Variants in PPFIA1 observed in about 807,000 individuals in gnomAD.
PPFIA1 encodes liprin-alpha-1.
In PPFIA1, 25 loss-of-function variants were observed where a neutral mutation model predicts 149.9. The observed-to-expected ratio is 0.17, with a 90% CI of 0.12 to 0.23. The LOEUF is 0.23. PPFIA1 is among the 10% of genes least tolerant of loss of function. PPFIA1 has a pLI of 1.00. For synonymous variants in PPFIA1, 549 were observed against 552.8 expected (o/e 0.99, Z 0.10); for missense variants, 1,362 against 1,506.5 (o/e 0.90, Z 1.59).
At chr11:70,277,545 C>CA (rs754634147) in intron 2 of PPFIA1, among the ~76,000 whole-genome samples, 1 of 151,150 alleles carries the variant, frequency 6.6e-6, no homozygotes, top group Non-Finnish European at 1.5e-5. Context: ...GGCTGAAGTG[C>CA]AGTGGCACGA....
At chr11:70,285,277 T>C (rs1017833449) in intron 2 of PPFIA1, among the ~76,000 whole-genome samples, 1 of 152,004 alleles carries the variant, frequency 6.6e-6, no homozygotes, top group African/African-American at 2.4e-5. Flanking sequence ...TAAAAGATCA[T>C]GCTATGTGGA....
At chr11:70,300,197 C>T (rs545050716) in intron 2 of PPFIA1, among the ~76,000 whole-genome samples, 9 of 152,150 alleles carry the variant, frequency 5.9e-5, no homozygotes, top group African/African-American at 9.6e-5. Flanking sequence ...TGAGATGTCC[C>T]GCAGACTCCT....
At chr11:70,316,916 T>A (rs1471233953) in intron 2 of PPFIA1, among the ~76,000 whole-genome samples, 1 of 152,246 alleles carries the variant, frequency 6.6e-6, no homozygotes, top group Non-Finnish European at 1.5e-5. Context: ...ATCAGCATTA[T>A]CAGGCATTAT....
At chr11:70,369,949 CTT>C (rs36102876) in intron 21 of PPFIA1, among the ~76,000 whole-genome samples, 20 of 145,754 alleles carry the variant, frequency 1.4e-4, no homozygotes, top group South Asian at 4.4e-4. Context: ...CTCTTTTACT[CTT>C]TTTTTTTTTT....
rs1205297985 is a variant in PPFIA1 at position 70,329,887 on chromosome 11, C to T, written c.931-286C>T. On this transcript the variant is annotated intron_variant, in intron 7 of 27. Transcript: ENST00000253925. ...AGGCTGTGGTGAGCCTTGATTGCAC[C>T]ACAGCATTCCATCCTAGGTGATAGA... 1.3e-5 allele frequency: 4 copies of T among 310,192 alleles called. No individual in the cohort carries two copies. In the East Asian group the frequency reaches 2.3e-4, roughly 18 times the overall value. 19.2% of individuals were successfully genotyped at this position (310,192 alleles called of 1,614,324 possible).
intron 2 of PPFIA1, among the ~76,000 whole-genome samples, chr11:70,295,579 C>T (rs1396237261): frequency 2.8e-5 from 4 of 144,218 alleles, no homozygotes; most frequent in African/African-American, 1.1e-4. Context: ...CACCTCCCTC[C>T]CGGATGGAGC....
chr11:70,380,872 T>C (rs2057687108), intron 26 of PPFIA1, among the ~76,000 whole-genome samples: 1 of 152,058 alleles, frequency 6.6e-6, no homozygotes, highest in Non-Finnish European at 1.5e-5. Context: ...CTCACTCTGT[T>C]GCCCAGGTTG....
chr11:70,317,536 A>T (rs1423082556), intron 2 of PPFIA1, among the ~76,000 whole-genome samples: 2 of 152,250 alleles, frequency 1.3e-5, no homozygotes, highest in African/African-American at 4.8e-5. Flanking sequence ...CATTTAACCA[A>T]AATAATAGAA....
chr11:70,281,870 G>A (rs2050777948), intron 2 of PPFIA1, among the ~76,000 whole-genome samples: 2 of 152,134 alleles, frequency 1.3e-5, no homozygotes, highest in African/African-American at 4.8e-5. Flanking sequence ...AGTTTTTGGT[G>A]GGTTGCCGGG....
chr11:70,278,243 G>A (rs488746), intron 2 of PPFIA1, among the ~76,000 whole-genome samples: 2 of 151,348 alleles, frequency 1.3e-5, no homozygotes. Context: ...CACCATGTTT[G>A]CCAGGCTGGG....
intron 2 of PPFIA1, among the ~76,000 whole-genome samples, chr11:70,274,008 G>A (rs560597655): frequency 2.3e-3 from 351 of 152,324 alleles, no homozygotes; most frequent in Non-Finnish European, 3.6e-3. Flanking sequence ...GTTGCTCAGT[G>A]ATTTGTTTCT....
At chr11:70,354,185 C>T in intron 16 of PPFIA1, 116 bp from the exon 17 acceptor site, 1 of 1,099,500 alleles carries the variant, frequency 9.1e-7, no homozygotes. Context: ...ACAAGACTTT[C>T]TGTGCTGGCA....
chr11:70,358,552 A>C (rs945312700), intron 19 of PPFIA1: 1 of 152,216 alleles, frequency 6.6e-6, no homozygotes, highest in Non-Finnish European at 1.5e-5. Flanking sequence ...TGTGAAAAAA[A>C]GTTTGCGTTT....
intron 21 of PPFIA1, chr11:70,362,837 G>C (rs2056731144): frequency 5.6e-6 from 1 of 178,538 alleles, no homozygotes; most frequent in Non-Finnish European, 1.2e-5. Flanking sequence ...TGTTGCCCAG[G>C]CTGGTCTTGC....
intron 2 of PPFIA1, among the ~76,000 whole-genome samples, chr11:70,288,015 G>A (rs940286522): frequency 4.0e-5 from 6 of 151,432 alleles, no homozygotes; most frequent in East Asian, 1.9e-4. Flanking sequence ...GTCCCACTGC[G>A]CTGGGGCTCA....
In PPFIA1 at chr11:70,305,171, A is replaced by G. The variant is rs188052347; in HGVS notation, c.265-19231A>G. Among the ~76,000 whole-genome samples, 5 of 152,276 alleles carry G rather than the reference A, an allele frequency of 3.3e-5. No homozygotes were observed. The East Asian group carries it at 5.8e-4, about 18-fold the overall frequency. On this transcript the variant is annotated intron_variant, in intron 2 of 27. Transcript: ENST00000253925. ...GCAGTGCCACCAAATGGTCGTGTCA[A>G]TTGATGCCCAAATGGCTCACCAAAA...
intron 2 of PPFIA1, among the ~76,000 whole-genome samples, chr11:70,298,960 C>G (rs772348601): frequency 6.6e-6 from 1 of 152,108 alleles, no homozygotes; most frequent in Non-Finnish European, 1.5e-5. Context: ...TGTTCTGGGC[C>G]GGGCACAGTG....
intron 14 of PPFIA1, 103 bp from the exon 15 acceptor site, chr11:70,343,566 C>G: frequency 9.7e-7 from 1 of 1,028,032 alleles, no homozygotes; most frequent in African/African-American, 1.6e-5. Context: ...TTTCTAAAAT[C>G]TTTTGGGCTT....
chr11:70,301,277 T>C (rs1248691007), intron 2 of PPFIA1, among the ~76,000 whole-genome samples: 1 of 152,224 alleles, frequency 6.6e-6, no homozygotes, highest in Non-Finnish European at 1.5e-5. Context: ...ATGTGAGGCA[T>C]GTCTCTGCAA....
Sources: allele counts gnomAD v4.1 joint callset (sites outside exome capture counted in the v4.1 genomes callset), GRCh38; gene constraint gnomAD v4.1.1; transcripts MANE v1.5; gene names NCBI Gene and HGNC (gene_info 2026-07-23, HGNC 2026-07-21).